The following AGBL1 variants were observed in gnomAD, a reference collection of about 807,000 sequenced individuals.
AGBL1 encodes the protein cytosolic carboxypeptidase 4.
Under a neutral mutation model 118.9 loss-of-function variants are expected in AGBL1, and 130 were observed. That is an observed-to-expected ratio of 1.09 (90% CI 0.95 to 1.26). AGBL1 has a LOEUF of 1.26. Ranked by LOEUF, AGBL1 falls within the 50% of genes most tolerant of loss-of-function variation. The pLI is 0.00. For synonymous variants in AGBL1, 555 were observed against 478.9 expected (o/e 1.16, Z -2.08); for missense variants, 1,584 against 1,298.1 (o/e 1.22, Z -3.38).
intron 1 of AGBL1, among the ~76,000 whole-genome samples, chr15:86,080,485 A>T (rs1895194149): frequency 6.6e-6 from 1 of 152,218 alleles, no homozygotes; most frequent in Admixed American, 6.5e-5. Context: ...TAGTTACATC[A>T]GAATGGCCTG....
chr15:86,659,477 T>C (rs895545337), intron 21 of AGBL1, among the ~76,000 whole-genome samples: 9 of 152,138 alleles, frequency 5.9e-5, no homozygotes, highest in African/African-American at 2.2e-4. Context: ...GTGCCCAATA[T>C]TGGGGTTTTC....
intron 1 of AGBL1, among the ~76,000 whole-genome samples, chr15:86,119,339 C>T (rs1897949034): frequency 6.9e-6 from 1 of 145,698 alleles, no homozygotes; most frequent in African/African-American, 2.5e-5. Flanking sequence ...TTTGTCTTTG[C>T]TTTTTTTTTT....
At position 86,554,526 on chromosome 15, in the gene AGBL1, G is replaced by A. The variant is rs2083706347; in HGVS notation, c.2983G>A (p.Gly995Ser). The A allele has an allele frequency of 5.2e-6, 8 of 1,532,368 alleles. No individual in the cohort carries two copies. The highest frequency in any genetic ancestry group is 1.4e-5 in the African/African-American group (1 of 71,420). The allele number at this position is 1,532,368 out of a possible 1,614,324, so 94.9% of individuals were successfully genotyped here. A position where few individuals can be genotyped will look rare whatever the true frequency, so the allele number is the denominator to read the frequency against. Reference protein sequence around the residue: ...MESSYCGCNQGPYQGLQFGTR... With the variant: ...MESSYCGCNQSPYQGLQFGTR... ...AAGCAGCTACTGTGGCTGCAACCAG[G>A]GCCCTTATCAGGTATGTGAGGCTGC... The change falls in exon 21 of 23, where the codon GGC becomes AGC. Residue 995 changes from glycine (G) to serine (S), a missense_variant. Physicochemically the swap from Gly to Ser is moderately conservative, Grantham distance 56. Transcript: ENST00000614907.
intron 17 of AGBL1, among the ~76,000 whole-genome samples, chr15:86,376,899 T>C (rs1181276926): frequency 6.6e-6 from 1 of 152,242 alleles, no homozygotes; most frequent in East Asian, 1.9e-4. Context: ...CTTCATTGCA[T>C]AGTTATTAAC....
At chr15:87,016,890 G>C (rs567329101) in intron 24 of AGBL1, among the ~76,000 whole-genome samples, 1 of 152,184 alleles carries the variant, frequency 6.6e-6, no homozygotes, top group Non-Finnish European at 1.5e-5. Context: ...GATACAGAGA[G>C]CTGTGTGAAG....
intron 17 of AGBL1, among the ~76,000 whole-genome samples, chr15:86,341,633 T>C (rs1307816551): frequency 6.6e-6 from 1 of 152,198 alleles, no homozygotes; most frequent in East Asian, 1.9e-4. Context: ...ACTTATCATT[T>C]CATGCCCTTT....
At chr15:86,206,238 C>T (rs8037004) in intron 5 of AGBL1, among the ~76,000 whole-genome samples, 3 of 151,854 alleles carry the variant, frequency 2.0e-5, no homozygotes, top group Non-Finnish European at 4.4e-5. Flanking sequence ...GTTGGTTCCA[C>T]GTTTTTGGTA....
At position 86,448,693 on chromosome 15, in the gene AGBL1, A is replaced by G. The variant is rs186746439; in HGVS notation, c.2555+51147A>G. Among the ~76,000 whole-genome samples the G allele has an allele frequency of 4.3e-3, 445 of 103,580 alleles. 2 individuals are homozygous for G. Among genetic ancestry groups the G allele is most frequent in the South Asian group, 5.9e-3 (16 of 2,690 alleles). The allele number at this position is 103,580 out of a possible 152,430, so 68.0% of individuals were successfully genotyped here. A position where few individuals can be genotyped will look rare whatever the true frequency, so the allele number is the denominator to read the frequency against. ...TCTCTGATTGAATGTGGGGGCAATC[A>G]GATTGTCAGGGAGAGGCTGAGGCCA... On this transcript the variant is annotated intron_variant, in intron 18 of 22. Coordinates refer to ENST00000614907, the MANE Select transcript of AGBL1 (RefSeq NM_001386094.1).
At chr15:86,986,216 G>A (rs916682849) in intron 23 of AGBL1, among the ~76,000 whole-genome samples, 10 of 152,138 alleles carry the variant, frequency 6.6e-5, no homozygotes, top group African/African-American at 1.4e-4. Flanking sequence ...GAGCCACGGC[G>A]CCCGGCCAGG....
At chr15:86,464,553 T>C (rs1481323315) in intron 18 of AGBL1, among the ~76,000 whole-genome samples, 4 of 152,206 alleles carry the variant, frequency 2.6e-5, no homozygotes, top group African/African-American at 9.6e-5. Flanking sequence ...TTTTGCCCAT[T>C]CAGTATGATA....
intron 4 of AGBL1, 104 bp downstream of exon 4, chr15:86,154,665 T>G: frequency 1.5e-6 from 2 of 1,326,216 alleles, no homozygotes; most frequent in Non-Finnish European, 2.0e-6. Context: ...GGGTGAGAGA[T>G]ACACATGGTG....
chr15:86,108,815 G>A (rs1597402134), intron 1 of AGBL1, among the ~76,000 whole-genome samples: 2 of 152,150 alleles, frequency 1.3e-5, no homozygotes, highest in East Asian at 3.9e-4. Flanking sequence ...AAATTAGCCA[G>A]GCGTGGTGGC....
intron 22 of AGBL1, among the ~76,000 whole-genome samples, chr15:86,853,905 T>C (rs967537276): frequency 6.6e-6 from 1 of 152,148 alleles, no homozygotes; most frequent in African/African-American, 2.4e-5. Context: ...ATTAGTCACT[T>C]AGAGATAATA....
intron 17 of AGBL1, among the ~76,000 whole-genome samples, chr15:86,354,398 C>A (rs572734450): frequency 6.6e-6 from 1 of 152,294 alleles, no homozygotes; most frequent in South Asian, 2.1e-4. Flanking sequence ...ATTGGCATGG[C>A]CTACTCATGT....
intron 19 of AGBL1, among the ~76,000 whole-genome samples, chr15:86,528,566 A>T (rs2142213524): frequency 7.0e-6 from 1 of 142,962 alleles, no homozygotes; most frequent in South Asian, 2.4e-4. Context: ...TGCTTAGGTA[A>T]ACAAAGCAGC....
intron 21 of AGBL1, among the ~76,000 whole-genome samples, chr15:86,595,269 C>G (rs1175637783): frequency 6.6e-6 from 1 of 151,994 alleles, no homozygotes; most frequent in Non-Finnish European, 1.5e-5. Context: ...ATCTTTTTTT[C>G]TAACCCCAGA....
chr15:86,318,492 T>G (rs180785699), intron 17 of AGBL1, among the ~76,000 whole-genome samples: 1,672 of 146,682 alleles, frequency 0.011, 29 homozygotes, highest in African/African-American at 0.038. Context: ...TTACTCAATG[T>G]TTTTTTTTTT....
intron 21 of AGBL1, among the ~76,000 whole-genome samples, chr15:86,620,035 G>T (rs1359721702): frequency 6.6e-6 from 1 of 152,146 alleles, no homozygotes; most frequent in Admixed American, 6.5e-5. Context: ...TTCCAGAAAT[G>T]CTGGGTGAAG....
intron 22 of AGBL1, among the ~76,000 whole-genome samples, chr15:86,709,382 C>T (rs2086513789): frequency 6.6e-6 from 1 of 152,072 alleles, no homozygotes. Context: ...AACAAAAACT[C>T]TTTGAATGCA....
Sources: allele counts gnomAD v4.1 joint callset (sites outside exome capture counted in the v4.1 genomes callset), GRCh38; gene constraint gnomAD v4.1.1; transcripts MANE v1.5; gene names NCBI Gene and HGNC (gene_info 2026-07-23, HGNC 2026-07-21).